FAM186A: variants seen among roughly 807,000 people sequenced by gnomAD.
FAM186A encodes the protein family with sequence similarity 186 member A, also known as protein FAM186A.
A neutral mutation model predicts 216.8 loss-of-function variants in FAM186A; 163 were observed. The observed-to-expected ratio is 0.75, with a 90% CI of 0.66 to 0.86. The LOEUF (loss-of-function observed/expected upper bound fraction) is 0.86. FAM186A is among the 40% of genes least tolerant of loss of function. FAM186A has a pLI of 0.00. For synonymous variants in FAM186A, 805 were observed against 1,025.3 expected (o/e 0.79, Z 4.10); for missense variants, 2,184 against 2,746.2 (o/e 0.80, Z 4.58).
chr12:50,380,992 C>T (rs1474073633), intron 1 of FAM186A, among the ~76,000 whole-genome samples: 2 of 152,194 alleles, frequency 1.3e-5, no homozygotes, highest in Admixed American at 6.5e-5. Context: ...GGCACAGTGC[C>T]GACTCCCTGT....
chr12:50,382,587 C>G (rs554638458), intron 1 of FAM186A, among the ~76,000 whole-genome samples: 6 of 151,962 alleles, frequency 3.9e-5, no homozygotes, highest in Non-Finnish European at 7.4e-5. Context: ...GTAATCCCAG[C>G]TACGCAGGAG....
intron 4 of FAM186A, among the ~76,000 whole-genome samples, chr12:50,348,101 A>G (rs992251101): frequency 4.2e-5 from 6 of 141,620 alleles, no homozygotes; most frequent in Admixed American, 7.7e-5. Context: ...CTGGAGTGCA[A>G]TGGCGCAATC....
intron 4 of FAM186A, among the ~76,000 whole-genome samples, chr12:50,345,747 G>A (rs144185389): frequency 2.4e-4 from 37 of 152,198 alleles, no homozygotes; most frequent in African/African-American, 7.9e-4. Flanking sequence ...TTTGGTTACT[G>A]TAGCCTTATA....
At position 50,350,610 on chromosome 12, in the gene FAM186A, G is replaced by C. The variant is rs1261092529; in HGVS notation, c.6222C>G (p.Asp2074Glu). The C allele has an allele frequency of 6.4e-7, 1 of 1,551,528 alleles. No individual in the cohort carries two copies. The highest frequency in any genetic ancestry group is 1.4e-5 in the African/African-American group (1 of 73,022). ...WYQKSRFPPI[D>E]KPWILSSVSD... ...AAACTGAACTCAGTATCCAGGGCTT[G>C]TCTATAGGAGGGAATCGGGATTTCT... Residue 2074 changes from aspartate (D) to glutamate (E), a missense_variant, in exon 4 of 8, where the codon GAC becomes GAG. Physicochemically the swap from Asp to Glu is conservative, Grantham distance 45. Transcript: ENST00000327337.
chr12:50,393,303 C>G lies in FAM186A; in HGVS notation c.192+2990G>C, dbSNP rs535351702. ...CTGTAATCCTAGCACTTTGCGAGGC[C>G]GAGGCGGGAGGATCACCTGAGGTCA... is the stretch of plus-strand genomic sequence containing the variant. On this transcript the variant is annotated intron_variant, in intron 1 of 7. Transcript: ENST00000327337. Among the ~76,000 whole-genome samples, 5 of 151,936 alleles carry G rather than the reference C, an allele frequency of 3.3e-5. No homozygotes were observed. In the East Asian group the frequency reaches 9.8e-4, roughly 30 times the overall value.
intron 3 of FAM186A, among the ~76,000 whole-genome samples, chr12:50,357,500 GAA>G (rs35933165): frequency 5.4e-5 from 2 of 37,196 alleles, no homozygotes. Context: ...GACTCTGTCT[GAA>G]AAAAAAAAAA....
intron 1 of FAM186A, among the ~76,000 whole-genome samples, chr12:50,389,788 A>C (rs1159990993): frequency 6.6e-6 from 1 of 152,176 alleles, no homozygotes; most frequent in Non-Finnish European, 1.5e-5. Context: ...ACAATAATCC[A>C]CTGTCGTTCT....
chr12:50,343,574 C>T (rs762752848), intron 4 of FAM186A, among the ~76,000 whole-genome samples: 7 of 151,960 alleles, frequency 4.6e-5, no homozygotes, highest in Non-Finnish European at 1.0e-4. Context: ...GTAGCTGGGA[C>T]TACAGCGAAC....
rs1942919422 is a variant in FAM186A at position 50,352,977 on chromosome 12, C to G, written c.3855G>C (p.Gln1285His). The G allele has an allele frequency of 6.5e-7, 1 of 1,532,942 alleles. No homozygotes were observed. The highest frequency in any genetic ancestry group is 8.8e-7 in the Non-Finnish European group (1 of 1,136,462). The allele number at this position is 1,532,942 out of a possible 1,614,324, so 95.0% of individuals were successfully genotyped here. The change falls in exon 4 of 8, where the codon CAG (glutamine) becomes CAC (histidine). Residue 1285 changes from glutamine to histidine, a missense_variant. This residue lies in a region of FAM186A where 267 missense variants were observed against 446.2 expected (regional missense o/e 0.60). Coordinates refer to ENST00000327337, the MANE Select transcript of FAM186A (RefSeq NM_001145475.3). ...LGITLTPKQA[Q>H]ELGIPLNPQQ... ...GAGGGTTGAGAGGGATCCCCAATTC[C>G]TGAGCCTGCTTAGGGGTGAGAGTGA...
At chr12:50,350,093 C>A (rs1366805654) in intron 4 of FAM186A, among the ~76,000 whole-genome samples, 2 of 152,142 alleles carry the variant, frequency 1.3e-5, no homozygotes, top group Non-Finnish European at 2.9e-5. Flanking sequence ...ATATACTTGG[C>A]ATCTCCGCTG....
At chr12:50,364,194 G>A (rs1254048541) in intron 1 of FAM186A, among the ~76,000 whole-genome samples, 3 of 151,928 alleles carry the variant, frequency 2.0e-5, no homozygotes, top group African/African-American at 7.3e-5. Context: ...GTGTCTCACC[G>A]GAATTCATGT....
chr12:50,330,738 T>G lies in FAM186A; in HGVS notation c.6869A>C (p.Glu2290Ala). 6.5e-7 allele frequency: 1 copy of G among 1,531,338 alleles called. No homozygotes were observed. Among genetic ancestry groups the G allele is most frequent in the Non-Finnish European group, 8.8e-7 (1 of 1,140,470 alleles). The allele number at this position is 1,531,338 out of a possible 1,614,324, so 94.9% of individuals were successfully genotyped here. A position where few individuals can be genotyped will look rare whatever the true frequency, so the allele number is the denominator to read the frequency against. Residue 2290 changes from glutamate to alanine, a missense_variant, in exon 7 of 8, where the codon GAG becomes GCG. Glu to Ala is a moderately radical substitution (Grantham distance 107). This residue lies in a region of FAM186A where 721 missense variants were observed against 816.4 expected (regional missense o/e 0.88). Transcript: ENST00000327337. ...GGACAGATCAACATTCCAGATGGCC[T>G]CTGTCTGGTCCTCTTGTTGCCTACA... ...KKFRQQEDQT[E>A]AIWNVDLSTS...
intron 1 of FAM186A, among the ~76,000 whole-genome samples, chr12:50,364,679 A>G (rs116706684): frequency 0.016 from 2,358 of 152,088 alleles, 63 homozygotes; most frequent in African/African-American, 0.053. Flanking sequence ...AAGCGGGAGG[A>G]TCTCTGGAAG....
intron 2 of FAM186A, among the ~76,000 whole-genome samples, chr12:50,362,930 A>G (rs565807710): frequency 1.3e-5 from 2 of 152,116 alleles, no homozygotes; most frequent in East Asian, 1.9e-4. Context: ...GGCATGCTTT[A>G]AAAAAAGCAA....
Position 50,354,806 on chromosome 12 carries a change from T to A in FAM186A, c.2026A>T (p.Ile676Leu), listed in dbSNP as rs1187347270. The A allele has an allele frequency of 2.0e-6, 3 of 1,535,806 alleles. No homozygotes were observed. In the East Asian group the frequency reaches 7.3e-5, roughly 38 times the overall value. The change falls in exon 4 of 8, where the codon ATA (isoleucine) becomes TTA (leucine). Residue 676 changes from isoleucine to leucine, a missense_variant. This residue lies in a region of FAM186A where 1,132 missense variants were observed against 1,263.4 expected (regional missense o/e 0.90). Transcript: ENST00000327337. ...QSNLEEFQEA[I>L]MAFLKQKIDN... ...ATTTTCTGTTTTAGGAAAGCCATTA[T>A]GGCTTCCTGAAATTCTTCGAGGTTA...
chr12:50,395,559 C>A (rs1369880122), intron 1 of FAM186A, among the ~76,000 whole-genome samples: 1 of 152,106 alleles, frequency 6.6e-6, no homozygotes, highest in Non-Finnish European at 1.5e-5. Context: ...ATCCTCCCAT[C>A]TCAGCTTCCC....
intron 1 of FAM186A, among the ~76,000 whole-genome samples, chr12:50,386,201 G>A (rs1943301816): frequency 6.6e-6 from 1 of 152,058 alleles, no homozygotes; most frequent in African/African-American, 2.4e-5. Flanking sequence ...GGCCAAGGTG[G>A]GTGGATCACC....
chr12:50,345,146 C>T (rs927539610), intron 4 of FAM186A, among the ~76,000 whole-genome samples: 1 of 152,066 alleles, frequency 6.6e-6, no homozygotes, highest in South Asian at 2.1e-4. Flanking sequence ...GTCTAAAAAA[C>T]AAAACAAAAC....
chr12:50,377,875 T>C (rs142526832), intron 1 of FAM186A, among the ~76,000 whole-genome samples: 1 of 150,586 alleles, frequency 6.6e-6, no homozygotes, highest in African/African-American at 2.4e-5. Flanking sequence ...TACAACATGA[T>C]ACATTAGATT....
Sources: gnomAD v4.1 joint callset for allele counts (sites outside exome capture counted in the v4.1 genomes callset) on GRCh38, gnomAD v4.1.1 for gene constraint, gnomAD v4.1.1 regional missense constraint, MANE v1.5 for transcripts, NCBI Gene and HGNC (gene_info 2026-07-23, HGNC 2026-07-21) for gene names.